The following BICC1 variants were observed in gnomAD, a reference collection of about 807,000 sequenced individuals.
BICC1 encodes the protein BicC family RNA binding protein 1, also known as protein bicaudal C homolog 1.
Under a neutral mutation model 111.0 loss-of-function variants are expected in BICC1, and 43 were observed. The observed-to-expected ratio is 0.39, with a 90% CI of 0.30 to 0.50. The LOEUF (loss-of-function observed/expected upper bound fraction) is 0.50, where lower values mean the gene tolerates loss of function less well. Among genes scored for constraint, BICC1 ranks in the 20% least tolerant of loss-of-function variants. BICC1 has a pLI of 0.88. For missense variants in BICC1, 1,091 were observed against 1,203.2 expected (o/e 0.91, Z 1.38); for synonymous variants, 467 against 434.4 (o/e 1.07, Z -0.93).
chr10:58,631,531 G>A (rs540121487), intron 2 of BICC1, among the ~76,000 whole-genome samples: 24 of 151,610 alleles, frequency 1.6e-4, no homozygotes, highest in African/African-American at 5.8e-4. Context: ...CAAGAAATGT[G>A]TACATATGGC....
rs1344610158 is a variant in BICC1, at chr10:58,789,795, T to G, written c.909T>G (p.Asn303Lys). ...AQHHLFMMGR[N>K]GSNIKHIMQR... ...ATCATCTCTTTATGATGGGTCGAAA[T>G]GGGAGCAACATCAAACATATCATGC... Residue 303 changes from asparagine (N) to lysine (K), a missense_variant, in exon 8 of 21, where the codon AAT becomes AAG. Physicochemically the swap from Asn to Lys is moderately conservative, Grantham distance 94. Around this residue, in one of 3 missense-constraint regions of BICC1, gnomAD observed 843 missense variants for 900.8 expected, o/e 0.94. Coordinates refer to ENST00000373886, the MANE Select transcript of BICC1 (RefSeq NM_001080512.3). 1.2e-6 allele frequency: 2 copies of G among 1,614,104 alleles called. No homozygotes were observed. Among genetic ancestry groups the G allele is most frequent in the South Asian group, 1.1e-5 (1 of 91,080 alleles).
intron 1 of BICC1, among the ~76,000 whole-genome samples, chr10:58,602,271 G>C (rs1845064775): frequency 6.6e-6 from 1 of 152,078 alleles, no homozygotes; most frequent in South Asian, 2.1e-4. Context: ...ACAATTCTGG[G>C]AATAAGAATA....
chr10:58,673,830 A>G (rs1839256104), intron 2 of BICC1, among the ~76,000 whole-genome samples: 1 of 143,918 alleles, frequency 6.9e-6, no homozygotes, highest in Non-Finnish European at 1.5e-5. Flanking sequence ...AGGTTTCACC[A>G]TGTTGAGCTA....
At chr10:58,588,335 G>T (rs1226626542) in intron 1 of BICC1, among the ~76,000 whole-genome samples, 2 of 152,180 alleles carry the variant, frequency 1.3e-5, no homozygotes, top group African/African-American at 4.8e-5. Flanking sequence ...GATACATCTG[G>T]TGGTGGGAGC....
At chr10:58,727,564 G>A (rs1255842975) in intron 3 of BICC1, among the ~76,000 whole-genome samples, 1 of 150,498 alleles carries the variant, frequency 6.6e-6, no homozygotes, top group Non-Finnish European at 1.5e-5. Flanking sequence ...TCCAGCCTGG[G>A]TAACAGAGCA....
intron 3 of BICC1, among the ~76,000 whole-genome samples, chr10:58,705,517 C>T (rs1840362326): frequency 6.6e-6 from 1 of 152,214 alleles, no homozygotes. Flanking sequence ...ATTCCCTTTC[C>T]TCCTCCCTTT....
intron 1 of BICC1, among the ~76,000 whole-genome samples, chr10:58,521,772 T>G (rs1272328019): frequency 8.8e-5 from 2 of 22,630 alleles, no homozygotes; most frequent in African/African-American, 5.4e-4. Flanking sequence ...TGTGGTGTTT[T>G]TTTTTTTTTT....
intron 3 of BICC1, among the ~76,000 whole-genome samples, chr10:58,710,360 A>G (rs1022405828): frequency 6.6e-6 from 1 of 152,178 alleles, no homozygotes. Flanking sequence ...GTATAATAAT[A>G]TCTCTTCAGC....
intron 1 of BICC1, among the ~76,000 whole-genome samples, chr10:58,523,859 T>C (rs1022020544): frequency 2.7e-4 from 41 of 152,176 alleles, no homozygotes; most frequent in African/African-American, 9.9e-4. Context: ...AGCAAAGTCT[T>C]AGGATACAAA....
At chr10:58,647,144 G>GT (rs1471313664) in intron 2 of BICC1, among the ~76,000 whole-genome samples, 1 of 152,022 alleles carries the variant, frequency 6.6e-6, no homozygotes, top group South Asian at 2.1e-4. Context: ...TCTGTATTCT[G>GT]TTTTTTTCTA....
chr10:58,823,903 A>G, intron 20 of BICC1: 1 of 985,282 alleles, frequency 1.0e-6, no homozygotes, highest in African/African-American at 1.7e-5. Context: ...TGTTTTTAAC[A>G]AGATACATGT....
chr10:58,554,747 G>A (rs2131927527), intron 1 of BICC1, among the ~76,000 whole-genome samples: 1 of 150,480 alleles, frequency 6.6e-6, no homozygotes, highest in South Asian at 2.1e-4. Flanking sequence ...TGATATCAAT[G>A]TTGGTTTAAT....
rs1025199021 is a variant in BICC1 at position 58,648,439 on chromosome 10, G to C, written c.237+27538G>C. Reference sequence around the variant, plus strand: ...GGCTTTTGAATCTAAGCCAAAAAAGGCATTTATTATACACAGAGTTATGTT... The same window carrying C: ...GGCTTTTGAATCTAAGCCAAAAAAGCCATTTATTATACACAGAGTTATGTT... On this transcript the variant is annotated intron_variant, in intron 2 of 20. Coordinates refer to ENST00000373886, the MANE Select transcript of BICC1 (RefSeq NM_001080512.3). 13 of 883,042 alleles carry C rather than the reference G, an allele frequency of 1.5e-5. No homozygotes were observed. In the African/African-American group the frequency reaches 2.2e-4, roughly 15 times the overall value. 54.7% of individuals were successfully genotyped at this position (883,042 alleles called of 1,614,324 possible). A position where few individuals can be genotyped will look rare whatever the true frequency, so the allele number is the denominator to read the frequency against.
intron 1 of BICC1, among the ~76,000 whole-genome samples, chr10:58,528,123 G>A (rs1043336304): frequency 6.6e-6 from 1 of 151,888 alleles, no homozygotes; most frequent in South Asian, 2.1e-4. Context: ...GGATTAAAAA[G>A]TTTGTTCATT....
chr10:58,719,790 G>A (rs1235171705), intron 3 of BICC1, among the ~76,000 whole-genome samples: 1 of 152,156 alleles, frequency 6.6e-6, no homozygotes, highest in African/African-American at 2.4e-5. Context: ...TAAATTTGAA[G>A]TTAATTCAAC....
intron 1 of BICC1, among the ~76,000 whole-genome samples, chr10:58,617,482 G>A (rs1165115788): frequency 6.6e-6 from 1 of 152,218 alleles, no homozygotes; most frequent in African/African-American, 2.4e-5. Flanking sequence ...AAGGCCATGG[G>A]GCCTGAGGCA....
In BICC1 at chr10:58,831,212, G is replaced by A. The variant is rs571211960; in HGVS notation, c.*2321G>A. ...TATATGATGCACAAAATATTTTGAT[G>A]ATTTGAATAAATGTTAACTTTTAAT... On this transcript the variant is annotated 3_prime_UTR_variant, in exon 21 of 21. Coordinates refer to ENST00000373886, the MANE Select transcript of BICC1 (RefSeq NM_001080512.3). The A allele has an allele frequency of 6.6e-6, 1 of 152,260 alleles. No homozygotes were observed. Among genetic ancestry groups the A allele is most frequent in the South Asian group, 2.1e-4 (1 of 4,814 alleles). The allele number at this position is 152,260 out of a possible 1,614,324, so 9.4% of individuals were successfully genotyped here. A position where few individuals can be genotyped will look rare whatever the true frequency, so the allele number is the denominator to read the frequency against.
intron 1 of BICC1, among the ~76,000 whole-genome samples, chr10:58,577,441 A>G (rs780604696): frequency 1.3e-4 from 20 of 152,224 alleles, no homozygotes; most frequent in Non-Finnish European, 2.5e-4. Flanking sequence ...TGCCTGGTAC[A>G]TTAGCCCCTG....
chr10:58,681,700 G>A (rs1236601306), intron 2 of BICC1, among the ~76,000 whole-genome samples: 1 of 151,992 alleles, frequency 6.6e-6, no homozygotes, highest in Admixed American at 6.6e-5. Flanking sequence ...ACGAAGCCGT[G>A]GACCCTCGCG....
Sources: gnomAD v4.1 joint callset for allele counts (sites outside exome capture counted in the v4.1 genomes callset) on GRCh38, gnomAD v4.1.1 for gene constraint, gnomAD v4.1.1 regional missense constraint, MANE v1.5 for transcripts, NCBI Gene and HGNC (gene_info 2026-07-23, HGNC 2026-07-21) for gene names.